The following PRR5L variants were observed in gnomAD, a reference collection of about 807,000 sequenced individuals.
PRR5L encodes the protein proline rich 5 like.
In PRR5L, 21 loss-of-function variants were observed where a neutral mutation model predicts 36.4. The observed-to-expected ratio is 0.58, with a 90% confidence interval of 0.41 to 0.83. PRR5L has a LOEUF of 0.83. Ranked by LOEUF, PRR5L falls within the 40% of genes least tolerant of loss-of-function variation. The pLI, the probability that PRR5L is intolerant of heterozygous loss-of-function variation, is 0.00. For missense variants in PRR5L, 381 were observed against 473.3 expected, an observed-to-expected ratio of 0.80 and a Z score of 1.81; for synonymous variants, 188 against 197.0, an observed-to-expected ratio of 0.95 and a Z score of 0.38.
intron 4 of PRR5L, 85 bp from the exon 5 acceptor site, chr11:36,431,768 C>A: frequency 7.9e-7 from 1 of 1,258,034 alleles, no homozygotes; most frequent in Non-Finnish European, 1.2e-6. Flanking sequence ...AACTCTGTGC[C>A]CTTGCCCACT....
intron 1 of PRR5L, among the ~76,000 whole-genome samples, chr11:36,379,144 C>T (rs1249987767): frequency 6.6e-6 from 1 of 152,210 alleles, no homozygotes; most frequent in Non-Finnish European, 1.5e-5. Context: ...AGACCTAAAT[C>T]ATAATCCTCA....
At chr11:36,337,043 T>C (rs755394579) in intron 1 of PRR5L, among the ~76,000 whole-genome samples, 1 of 152,184 alleles carries the variant, frequency 6.6e-6, no homozygotes, top group Non-Finnish European at 1.5e-5. Flanking sequence ...ATCATATAGA[T>C]GAAGAAGAAA....
chr11:36,348,729 T>C (rs2133486163), intron 1 of PRR5L, among the ~76,000 whole-genome samples: 1 of 152,332 alleles, frequency 6.6e-6, no homozygotes, highest in Non-Finnish European at 1.5e-5. Flanking sequence ...AGCAGATTGC[T>C]GTGTGTCAGA....
intron 1 of PRR5L, among the ~76,000 whole-genome samples, chr11:36,331,446 TG>T (rs1174351495): frequency 6.6e-6 from 1 of 152,186 alleles, no homozygotes. Context: ...AAAAAAGATT[TG>T]GTTCTCTTAA....
chr11:36,451,211 T>C lies in PRR5L; in HGVS notation c.588T>C (p.Ser196=). 6.2e-7 allele frequency: 1 copy of C among 1,613,944 alleles called. No individual in the cohort carries two copies. The highest frequency in any genetic ancestry group is 8.5e-7 in the Non-Finnish European group (1 of 1,179,948). ...TATCTTGGCTGTTCATTTTCCAGAGTGTTCACGAGCCCACAGGCCCAAGTG... is the reference window on the plus strand; with the variant it reads ...TATCTTGGCTGTTCATTTTCCAGAGCGTTCACGAGCCCACAGGCCCAAGTG... ...SIVQMLLILQ[S]VHEPTGPSES... Residue 196 remains serine, a splice_region_variant and synonymous_variant, in exon 8 of 9, where the codon AGT becomes AGC. Transcript: ENST00000530639.
intron 1 of PRR5L, among the ~76,000 whole-genome samples, chr11:36,313,930 C>A (rs1404780927): frequency 6.6e-6 from 1 of 152,226 alleles, no homozygotes; most frequent in Non-Finnish European, 1.5e-5. Flanking sequence ...TGAAGCCACA[C>A]TGCCTGAATT....
rs115762396 is a variant in PRR5L at position 36,385,415 on chromosome 11, G to T, written c.-125-15582G>T. ...GGATTTTTCTGGTGATTATACAGTG[G>T]CTTGCAGGCCAAGGTGATGATGATG... On this transcript the variant is annotated intron_variant, in intron 1 of 8. Transcript: ENST00000530639. Among the ~76,000 whole-genome samples the T allele has an allele frequency of 2.5e-3, 382 of 152,356 alleles. 2 individuals carry two copies. The highest frequency in any genetic ancestry group is 8.8e-3 in the African/African-American group (365 of 41,572).
chr11:36,377,152 C>T lies in PRR5L; in HGVS notation c.-125-23845C>T, dbSNP rs1257005892. ...TTAAGCACGGGAGATTTCGCGCCTG[C>T]AGCAGCCTTTTCCCGGCGGTCCCCC... is the stretch of plus-strand genomic sequence containing the variant. On this transcript the variant is annotated intron_variant, in intron 1 of 8. Coordinates refer to ENST00000530639, the MANE Select transcript of PRR5L (RefSeq NM_001160167.2). The surrounding 1 kb of genome is among the most constrained non-coding windows in gnomAD (Gnocchi z 5.1). 6.6e-6 allele frequency among the ~76,000 whole-genome samples: 1 copy of T among 152,222 alleles called. No homozygotes were observed. The highest frequency in any genetic ancestry group is 1.5e-5 in the Non-Finnish European group (1 of 68,040).
At chr11:36,376,458 G>T (rs1184707183) in intron 1 of PRR5L, 1 of 1,138,410 alleles carries the variant, frequency 8.8e-7, no homozygotes, top group Non-Finnish European at 1.1e-6. Context: ...GTTGACTCGC[G>T]CTGGAGAGGA....
At chr11:36,461,672 T>C (rs1859184832) in intron 8 of PRR5L, among the ~76,000 whole-genome samples, 1 of 152,150 alleles carries the variant, frequency 6.6e-6, no homozygotes, top group Non-Finnish European at 1.5e-5. Context: ...AGCCTTCCTG[T>C]GTCTGCCTCC....
At chr11:36,406,954 T>A (rs1857924226) in intron 3 of PRR5L, among the ~76,000 whole-genome samples, 1 of 152,224 alleles carries the variant, frequency 6.6e-6, no homozygotes, top group Non-Finnish European at 1.5e-5. Flanking sequence ...TAAGTCTGTT[T>A]TGTCTTTTAT....
chr11:36,326,218 C>A (rs1466905055), intron 1 of PRR5L, among the ~76,000 whole-genome samples: 2 of 151,590 alleles, frequency 1.3e-5, no homozygotes, highest in Non-Finnish European at 2.9e-5. Flanking sequence ...CAATATACAC[C>A]CTTTCCTCCC....
Position 36,299,920 on chromosome 11 carries a change from C to CA in PRR5L, c.-126+3483dup, listed in dbSNP as rs1856356673. ...ACGACAAACACTTCATCGCTGCTTG[C>CA]ACCACTTGTGATGCAGGGGCTGGCA... On this transcript the variant is annotated intron_variant, in intron 1 of 8. Transcript: ENST00000530639. Among the ~76,000 whole-genome samples the CA allele has an allele frequency of 3.3e-5, 5 of 152,148 alleles. No homozygotes were observed. The South Asian group carries it at 1.0e-3, about 32-fold the overall frequency.
chr11:36,390,331 G>C (rs1057062708), intron 1 of PRR5L, among the ~76,000 whole-genome samples: 2 of 152,222 alleles, frequency 1.3e-5, no homozygotes, highest in Non-Finnish European at 2.9e-5. Flanking sequence ...GCAGGTGCTG[G>C]TGGAAGACAT....
At chr11:36,393,437 C>T (rs1278081677) in intron 1 of PRR5L, among the ~76,000 whole-genome samples, 1 of 152,144 alleles carries the variant, frequency 6.6e-6, no homozygotes, top group Non-Finnish European at 1.5e-5. Context: ...AGAGACTGTC[C>T]TTTCCTCAGT....
intron 1 of PRR5L, among the ~76,000 whole-genome samples, chr11:36,353,190 G>A (rs1590474674): frequency 1.3e-5 from 2 of 152,198 alleles, no homozygotes; most frequent in South Asian, 4.2e-4. Flanking sequence ...GATGCCACTG[G>A]CATCTTCTCC....
At chr11:36,299,648 G>A (rs905478880) in intron 1 of PRR5L, among the ~76,000 whole-genome samples, 1 of 152,134 alleles carries the variant, frequency 6.6e-6, no homozygotes, top group South Asian at 2.1e-4. Flanking sequence ...AACCCTAGGA[G>A]TTCTTCTGCA....
rs146044444 is a variant in PRR5L, at chr11:36,409,494, T to C, written c.245+6116T>C. Among the ~76,000 whole-genome samples the C allele has an allele frequency of 8.7e-3, 1,323 of 152,290 alleles. 28 individuals are homozygous for C. Among genetic ancestry groups the C allele is most frequent in the African/African-American group, 0.031 (1,268 of 41,546 alleles). ...ACAGGTCTGAGTTGAAATATCTTCC[T>C]TCTGAGTCAGTTGGTTGCCTGAAAC... is the stretch of plus-strand genomic sequence containing the variant. On this transcript the variant is annotated intron_variant, in intron 3 of 8. Transcript: ENST00000530639.
chr11:36,351,067 AAT>A (rs1212827291), intron 1 of PRR5L, among the ~76,000 whole-genome samples: 57 of 117,632 alleles, frequency 4.8e-4, no homozygotes, highest in African/African-American at 1.9e-3. Flanking sequence ...TTTATATATA[AAT>A]ATATATTTAT....
Sources: gnomAD v4.1 joint callset for allele counts (sites outside exome capture counted in the v4.1 genomes callset) on GRCh38, gnomAD v4.1.1 for gene constraint, Gnocchi (gnomAD v3.1) non-coding constraint, MANE v1.5 for transcripts, NCBI Gene and HGNC (gene_info 2026-07-23, HGNC 2026-07-21) for gene names.